KIF1A: variants seen among roughly 807,000 people sequenced by gnomAD.
KIF1A encodes kinesin family member 1A, also known as kinesin-like protein KIF1A.
A neutral mutation model predicts 227.3 loss-of-function variants in KIF1A; 46 were observed. The ratio of observed to expected loss-of-function variants is 0.20; its 90% CI spans 0.16 to 0.26. The LOEUF (loss-of-function observed/expected upper bound fraction) is 0.26, where lower values mean the gene tolerates loss of function less well. Among genes scored for constraint, KIF1A ranks in the 10% least tolerant of loss-of-function variants. The probability of loss-of-function intolerance (pLI) is 1.00; values close to 1 mark genes in which losing one functional copy is unlikely to be tolerated. For synonymous variants in KIF1A, 1,022 were observed against 1,012.8 expected, an observed-to-expected ratio of 1.01 and a Z score of -0.17; for missense variants, 1,683 against 2,485.9, an observed-to-expected ratio of 0.68 and a Z score of 6.87.
At chr2:240,817,394 G>A (rs1351433209) in intron 1 of KIF1A, among the ~76,000 whole-genome samples, 4 of 152,178 alleles carry the variant, frequency 2.6e-5, no homozygotes, top group Admixed American at 2.6e-4. Flanking sequence ...TAAGAACACT[G>A]AATGTGGCAA....
chr2:240,771,217 G>C (rs773702795), intron 14 of KIF1A, 113 bp from the exon 15 acceptor site: 2 of 1,269,686 alleles, frequency 1.6e-6, no homozygotes, highest in East Asian at 4.7e-5. Context: ...GACAGACAGA[G>C]GGAGGGAGAG....
chr2:240,718,429 GCTCC>G (rs1488819918), intron 47 of KIF1A, among the ~76,000 whole-genome samples: 1 of 152,218 alleles, frequency 6.6e-6, no homozygotes, highest in Non-Finnish European at 1.5e-5. Flanking sequence ...CATGGCCCCT[GCTCC>G]CTGGGACCCT....
chr2:240,786,919 G>C (rs1416495149), intron 5 of KIF1A, among the ~76,000 whole-genome samples: 1 of 151,738 alleles, frequency 6.6e-6, no homozygotes, highest in Non-Finnish European at 1.5e-5. Context: ...CCCTCACCAC[G>C]GCCATCCTGG....
rs895540908 is a variant in KIF1A, at chr2:240,809,493, C to T, written c.-61+10629G>A. The stretch of plus-strand genomic sequence containing the variant: ...GCTTTACAGAGCAAGGGGGAGAGGA[C>T]GGACGACCGAACCAGCGATGGAAGG... On this transcript the variant is annotated intron_variant, in intron 1 of 48. Coordinates refer to ENST00000498729, the MANE Select transcript of KIF1A (RefSeq NM_001244008.2). 4.6e-5 allele frequency among the ~76,000 whole-genome samples: 7 copies of T among 152,156 alleles called. No individual in the cohort carries two copies. In the East Asian group the frequency reaches 9.7e-4, roughly 21 times the overall value.
intron 1 of KIF1A, among the ~76,000 whole-genome samples, chr2:240,801,564 G>T (rs2056966842): frequency 6.6e-6 from 1 of 152,208 alleles, no homozygotes; most frequent in South Asian, 2.1e-4. Context: ...GGGGTGCCAT[G>T]GTCTGAATGT....
rs202026702 is a variant in KIF1A, at chr2:240,750,302, A to G, written c.2977+127T>C. 29 of 666,174 alleles carry G rather than the reference A, an allele frequency of 4.4e-5. No individual in the cohort carries two copies. In the East Asian group the frequency reaches 7.9e-4, roughly 18 times the overall value. 41.3% of individuals were successfully genotyped at this position (666,174 alleles called of 1,614,324 possible). ...CCCAGGGAGAGTGGAGGGCCAGCTG[A>G]GGCCAGCTTCCCACTAACCACTACA... On this transcript the variant is annotated intron_variant, in intron 28 of 48. Coordinates refer to ENST00000498729, the MANE Select transcript of KIF1A (RefSeq NM_001244008.2).
intron 1 of KIF1A, among the ~76,000 whole-genome samples, chr2:240,806,213 T>G (rs745801472): frequency 5.3e-5 from 8 of 151,866 alleles, no homozygotes; most frequent in Non-Finnish European, 7.4e-5. Flanking sequence ...TGGTCAGAGT[T>G]TGGGTGGGCA....
Position 240,726,689 on chromosome 2 carries a change from A to T in KIF1A, c.4122+137T>A, listed in dbSNP as rs2046049697. The T allele has an allele frequency of 8.4e-6, 4 of 475,380 alleles. No homozygotes were observed. Among genetic ancestry groups the T allele is most frequent in the Middle Eastern group, 3.3e-4 (1 of 3,014 alleles). 29.4% of individuals were successfully genotyped at this position (475,380 alleles called of 1,614,324 possible). On this transcript the variant is annotated intron_variant, in intron 39 of 48. Coordinates refer to ENST00000498729, the MANE Select transcript of KIF1A (RefSeq NM_001244008.2). The surrounding 1 kb of genome is among the most constrained non-coding windows in gnomAD (Gnocchi z 5.2). ...CCAGTTTTTGTTTTTGTTTTTTAAAAGGCACACAAATTTAACCCAGGGACT... is the reference window on the plus strand; with the variant it reads ...CCAGTTTTTGTTTTTGTTTTTTAAATGGCACACAAATTTAACCCAGGGACT...
chr2:240,807,640 C>T (rs952016483), intron 1 of KIF1A, among the ~76,000 whole-genome samples: 1 of 152,150 alleles, frequency 6.6e-6, no homozygotes, highest in Admixed American at 6.5e-5. Context: ...AGATGCAGAA[C>T]CCACAGATAT....
In KIF1A at chr2:240,752,174, A is replaced by G. The variant is rs1261851666; in HGVS notation, c.2859-1627T>C. ...ACGCCCCCTCTGAAGATGCCCCCCG[A>G]GAAGCGAGTACCCCACACCAATGGA... On this transcript the variant is annotated intron_variant, in intron 27 of 48. Transcript: ENST00000498729. This position sits in a 1 kb window ranked among gnomAD's most constrained non-coding sequence, Gnocchi z 6.4. Among the ~76,000 whole-genome samples, 1 of 151,672 alleles carries G rather than the reference A, an allele frequency of 6.6e-6. No homozygotes were observed. Among genetic ancestry groups the G allele is most frequent in the East Asian group, 1.9e-4 (1 of 5,142 alleles).
intron 1 of KIF1A, among the ~76,000 whole-genome samples, chr2:240,816,719 C>T (rs1391556013): frequency 2.0e-5 from 3 of 152,212 alleles, no homozygotes; most frequent in Non-Finnish European, 4.4e-5. Context: ...GCAACCCCAG[C>T]CTCTGAGTCC....
Position 240,726,993 on chromosome 2 carries a change from G to A in KIF1A, c.4008-53C>T. ...GTTGATGGCGTGGGGGCTGCTTTCA[G>A]CCAGGCCGGGGACATGCAGACAGAC... is the stretch of plus-strand genomic sequence containing the variant. On this transcript the variant is annotated intron_variant, in intron 38 of 48. Coordinates refer to ENST00000498729, the MANE Select transcript of KIF1A (RefSeq NM_001244008.2). This position sits in a 1 kb window ranked among gnomAD's most constrained non-coding sequence, Gnocchi z 5.2. 1.8e-6 allele frequency: 2 copies of A among 1,092,488 alleles called. No homozygotes were observed. The highest frequency in any genetic ancestry group is 2.7e-6 in the Non-Finnish European group (2 of 734,288). 67.7% of individuals were successfully genotyped at this position (1,092,488 alleles called of 1,614,324 possible).
In KIF1A at chr2:240,800,105, G is replaced by GACACACACAC. The variant is rs3220094; in HGVS notation, c.-60-2303_-60-2294dup. On this transcript the variant is annotated intron_variant, in intron 1 of 48. Coordinates refer to ENST00000498729, the MANE Select transcript of KIF1A (RefSeq NM_001244008.2). The stretch of plus-strand genomic sequence containing the variant: ...GAACAGACTAAGCATGTCCAAAGCA[G>GACACACACAC]ACACACACACACACACACACACACA... Among the ~76,000 whole-genome samples, 674 of 143,050 alleles carry GACACACACAC rather than the reference G, an allele frequency of 4.7e-3. 4 individuals are homozygous for GACACACACAC. The highest frequency in any genetic ancestry group is 0.022 in the Middle Eastern group (6 of 276). The allele number at this position is 143,050 out of a possible 152,430, so 93.8% of individuals were successfully genotyped here.
rs1221700757 is a variant in KIF1A, at chr2:240,736,426, G to A, written c.4007+637C>T. Among the ~76,000 whole-genome samples the A allele has an allele frequency of 6.6e-6, 1 of 152,150 alleles. No individual in the cohort carries two copies. The highest frequency in any genetic ancestry group is 1.5e-5 in the Non-Finnish European group (1 of 68,012). On this transcript the variant is annotated intron_variant, in intron 38 of 48. Transcript: ENST00000498729. The surrounding 1 kb of genome is among the most constrained non-coding windows in gnomAD (Gnocchi z 4.7). ...CCACCCACCAGGGCTGCCCCTGGCA[G>A]TGCTGAGCCACCTGCCCAGGCCAAC...
At chr2:240,774,369 A>T in intron 11 of KIF1A, 108 bp from the exon 12 acceptor site, 1 of 534,308 alleles carries the variant, frequency 1.9e-6, no homozygotes, top group Non-Finnish European at 3.4e-6. Flanking sequence ...AGGCCCAGAG[A>T]GGTAAACTGA....
chr2:240,817,972 C>T (rs2058448292), intron 1 of KIF1A, among the ~76,000 whole-genome samples: 1 of 152,240 alleles, frequency 6.6e-6, no homozygotes, highest in Admixed American at 6.5e-5. Flanking sequence ...GGCAGAACTC[C>T]AGGCTCCACC....
chr2:240,794,720 C>T (rs2056173679), intron 2 of KIF1A, among the ~76,000 whole-genome samples: 1 of 152,222 alleles, frequency 6.6e-6, no homozygotes. Context: ...TGAGGTCGGC[C>T]TCACACGTCT....
chr2:240,762,661 C>A, intron 23 of KIF1A, 58 bp downstream of exon 23: 1 of 1,479,826 alleles, frequency 6.8e-7, no homozygotes, highest in East Asian at 2.5e-5. Flanking sequence ...CCCAGGGCTG[C>A]CCACCTCCAT....
chr2:240,783,403 G>A (rs1438139654), intron 8 of KIF1A, among the ~76,000 whole-genome samples: 1 of 152,188 alleles, frequency 6.6e-6, no homozygotes. Context: ...AGGCCAGCAG[G>A]GGTCGAGGAA....
Sources: gnomAD v4.1 joint callset for allele counts (sites outside exome capture counted in the v4.1 genomes callset) on GRCh38, gnomAD v4.1.1 for gene constraint, Gnocchi (gnomAD v3.1) non-coding constraint, MANE v1.5 for transcripts, NCBI Gene and HGNC (gene_info 2026-07-23, HGNC 2026-07-21) for gene names.